The following PIGU variants were observed in gnomAD, a reference collection of about 807,000 sequenced individuals.
PIGU encodes the protein phosphatidylinositol glycan anchor biosynthesis class U.
PIGU carries 24 observed loss-of-function variants against 49.9 expected under a neutral mutation model. The observed-to-expected ratio is 0.48, with a 90% CI of 0.35 to 0.68. PIGU has a LOEUF of 0.68. Among genes scored for constraint, PIGU ranks in the 30% least tolerant of loss-of-function variants. PIGU has a pLI of 0.01. For synonymous variants in PIGU, 220 were observed against 205.7 expected, an observed-to-expected ratio of 1.07 and a Z score of -0.59; for missense variants, 490 against 532.6, an observed-to-expected ratio of 0.92 and a Z score of 0.79.
intron 6 of PIGU, among the ~76,000 whole-genome samples, chr20:34,625,149 A>T (rs916527134): frequency 1.3e-5 from 2 of 152,160 alleles, no homozygotes; most frequent in African/African-American, 4.8e-5. Flanking sequence ...AGGCGGGTGG[A>T]TCACCTGAGG....
At chr20:34,637,406 A>G (rs921099601) in intron 5 of PIGU, among the ~76,000 whole-genome samples, 49 of 152,348 alleles carry the variant, frequency 3.2e-4, no homozygotes, top group South Asian at 1.9e-3. Flanking sequence ...ATAGAGCCTC[A>G]GTAAGTTCCA....
At chr20:34,582,626 C>CCAT (rs775086130) in intron 9 of PIGU, among the ~76,000 whole-genome samples, 157 of 152,048 alleles carry the variant, frequency 1.0e-3, no homozygotes, top group Non-Finnish European at 1.7e-3. Flanking sequence ...CTGCAGTGAG[C>CCAT]CATGATCAAC....
chr20:34,640,396 T>C (rs1051675401), intron 4 of PIGU, among the ~76,000 whole-genome samples: 4 of 152,176 alleles, frequency 2.6e-5, no homozygotes, highest in African/African-American at 4.8e-5. Context: ...CTCCTAAGTG[T>C]AGACAAAATC....
chr20:34,561,196 C>A (rs1238492281), intron 11 of PIGU, among the ~76,000 whole-genome samples: 1 of 151,902 alleles, frequency 6.6e-6, no homozygotes, highest in Non-Finnish European at 1.5e-5. Context: ...CCCCCTGCCC[C>A]CACCCATGGT....
intron 7 of PIGU, among the ~76,000 whole-genome samples, chr20:34,594,051 C>T (rs1984098710): frequency 6.6e-6 from 1 of 151,440 alleles, no homozygotes; most frequent in African/African-American, 2.4e-5. Context: ...GTGGTGCACA[C>T]CTATAGTCCC....
rs1190227498 is a variant in PIGU at position 34,654,800 on chromosome 20, T to G, written c.195+2380A>C. Among the ~76,000 whole-genome samples the G allele has an allele frequency of 3.5e-5, 4 of 114,672 alleles. 1 individual carries two copies. The highest frequency in any genetic ancestry group is 7.3e-5 in the Non-Finnish European group (4 of 54,452). 75.2% of individuals were successfully genotyped at this position (114,672 alleles called of 152,430 possible). On this transcript the variant is annotated intron_variant, in intron 2 of 11. Coordinates refer to ENST00000217446, the MANE Select transcript of PIGU (RefSeq NM_080476.5). ...GGCAGGCGGATCACAAGGTCAGGAG[T>G]TCGAGACCAGCCTGGCCAATATGGT...
At chr20:34,633,762 G>C (rs1264472296) in intron 6 of PIGU, among the ~76,000 whole-genome samples, 3 of 151,752 alleles carry the variant, frequency 2.0e-5, no homozygotes, top group African/African-American at 7.3e-5. Context: ...GTAGCGATGG[G>C]GTTTCACCAT....
At chr20:34,629,001 G>C (rs1258282841) in intron 6 of PIGU, among the ~76,000 whole-genome samples, 1 of 150,864 alleles carries the variant, frequency 6.6e-6, no homozygotes, top group Non-Finnish European at 1.5e-5. Flanking sequence ...TCCACCCCTG[G>C]GCTCAGCCAT....
chr20:34,667,565 A>T (rs1374157792), intron 1 of PIGU, among the ~76,000 whole-genome samples: 1 of 152,220 alleles, frequency 6.6e-6, no homozygotes, highest in Non-Finnish European at 1.5e-5. Flanking sequence ...TAATCCAAAC[A>T]ACAGAATGAA....
At chr20:34,600,987 T>C (rs548998521) in intron 7 of PIGU, among the ~76,000 whole-genome samples, 5 of 151,238 alleles carry the variant, frequency 3.3e-5, no homozygotes, top group East Asian at 2.0e-4. Flanking sequence ...TGAGCCGAGA[T>C]GGTGCCATTG....
chr20:34,673,253 CAAAAAAAAA>C lies in PIGU; in HGVS notation c.130+3694_130+3702del, dbSNP rs71282179. Reference sequence around the variant, plus strand: ...TGGGTGACAGAGTGAGACTCCGTCTCAAAAAAAAAAAAAAAAAAAATGTAAAATGTCATG... The same window carrying C: ...TGGGTGACAGAGTGAGACTCCGTCTCAAAAAAAAAAATGTAAAATGTCATG... On this transcript the variant is annotated intron_variant, in intron 1 of 11. Coordinates refer to ENST00000217446, the MANE Select transcript of PIGU (RefSeq NM_080476.5). Among the ~76,000 whole-genome samples the C allele has an allele frequency of 3.4e-5, 3 of 88,824 alleles. No individual in the cohort carries two copies. The Admixed American group carries it at 3.5e-4, about 10-fold the overall frequency. 58.3% of individuals were successfully genotyped at this position (88,824 alleles called of 152,430 possible).
At position 34,634,677 on chromosome 20, in the gene PIGU, G is replaced by A. The variant is rs2146760796; in HGVS notation, c.467C>T (p.Ala156Val). Residue 156 changes from alanine (A) to valine (V), a missense_variant, in exon 6 of 12, where the codon GCC becomes GTC. Coordinates refer to ENST00000217446, the MANE Select transcript of PIGU (RefSeq NM_080476.5). Reference sequence around the variant, plus strand: ...GTTGTTGATGGCACAGGTAGACTTGGCAACACAAGACAAAATCGTGTAAGG... The same window carrying A: ...GTTGTTGATGGCACAGGTAGACTTGACAACACAAGACAAAATCGTGTAAGG... ...LNPYTILSCV[A>V]KSTCAINNTL... 1 of 1,613,038 alleles carries A rather than the reference G, an allele frequency of 6.2e-7. No homozygotes were observed. The highest frequency in any genetic ancestry group is 8.5e-7 in the Non-Finnish European group (1 of 1,179,234).
At position 34,653,665 on chromosome 20, in the gene PIGU, G is replaced by A. The variant is rs115483761; in HGVS notation, c.195+3515C>T. On this transcript the variant is annotated intron_variant, in intron 2 of 11. Transcript: ENST00000217446. ...TCTTTACTAAAGGAAGGACAGAAGG[G>A]AGGGAAGGATTGTAATGCATATGCT... Among the ~76,000 whole-genome samples the A allele has an allele frequency of 3.0e-3, 450 of 152,294 alleles. 2 individuals carry two copies. Among genetic ancestry groups the A allele is most frequent in the African/African-American group, 0.01 (425 of 41,560 alleles).
rs1010751985 is a variant in PIGU at position 34,658,345 on chromosome 20, A to G, written c.131-1101T>C. Among the ~76,000 whole-genome samples the G allele has an allele frequency of 1.6e-4, 24 of 151,804 alleles. No homozygotes were observed. The East Asian group carries it at 3.5e-3, about 22-fold the overall frequency. ...AGTGGCGTGATCTCGGCTCGCTACA[A>G]CCTCCACCTCCCAGCCACCTGCCTT... On this transcript the variant is annotated intron_variant, in intron 1 of 11. Transcript: ENST00000217446.
intron 10 of PIGU, among the ~76,000 whole-genome samples, chr20:34,580,678 C>T (rs780834286): frequency 1.3e-5 from 2 of 152,176 alleles, no homozygotes; most frequent in East Asian, 1.9e-4. Context: ...TTTAAAAACC[C>T]GCTCCACAAA....
chr20:34,563,461 G>A (rs1260649565), intron 11 of PIGU, among the ~76,000 whole-genome samples: 1 of 152,182 alleles, frequency 6.6e-6, no homozygotes, highest in Non-Finnish European at 1.5e-5. Flanking sequence ...CAGCTACTTG[G>A]GAGGCTGAAG....
chr20:34,640,891 A>G (rs139425789), intron 4 of PIGU, among the ~76,000 whole-genome samples: 86 of 152,180 alleles, frequency 5.7e-4, no homozygotes, highest in African/African-American at 8.7e-4. Flanking sequence ...CCCTACTTCA[A>G]ATAAAGGGCT....
In PIGU at chr20:34,571,036, C is replaced by T. The variant is rs552991656; in HGVS notation, c.1194+4068G>A. On this transcript the variant is annotated intron_variant, in intron 11 of 11. Transcript: ENST00000217446. Reference sequence around the variant, plus strand: ...GGACCCACAAGTTATGTCCAATCCTCTCAACACCCTGGAAGCTGTGGGTCA... The same window carrying T: ...GGACCCACAAGTTATGTCCAATCCTTTCAACACCCTGGAAGCTGTGGGTCA... Among the ~76,000 whole-genome samples the T allele has an allele frequency of 3.9e-5, 6 of 152,312 alleles. No homozygotes were observed. In the East Asian group the frequency reaches 1.2e-3, roughly 29 times the overall value.
intron 7 of PIGU, among the ~76,000 whole-genome samples, chr20:34,599,155 C>G (rs961147444): frequency 3.9e-5 from 6 of 152,124 alleles, no homozygotes; most frequent in African/African-American, 2.4e-5. Context: ...AGACACTAAT[C>G]TCACCAGTAA....
Sources: gnomAD v4.1 joint callset for allele counts (sites outside exome capture counted in the v4.1 genomes callset) on GRCh38, gnomAD v4.1.1 for gene constraint, MANE v1.5 for transcripts, NCBI Gene and HGNC (gene_info 2026-07-23, HGNC 2026-07-21) for gene names.